CHN2: variants seen among roughly 807,000 people sequenced by gnomAD.
CHN2 encodes beta-chimaerin.
A neutral mutation model predicts 56.3 loss-of-function variants in CHN2; 35 were observed. The ratio of observed to expected loss-of-function variants is 0.62; its 90% confidence interval spans 0.47 to 0.82. CHN2 has a LOEUF of 0.82. Ranked by LOEUF, CHN2 falls within the 40% of genes least tolerant of loss-of-function variation. The probability of loss-of-function intolerance (pLI) is 0.00; values close to 1 mark genes in which losing one functional copy is unlikely to be tolerated. For missense variants in CHN2, 491 were observed against 580.5 expected (o/e 0.85, Z 1.58); for synonymous variants, 210 against 212.8 (o/e 0.99, Z 0.12).
intron 6 of CHN2, among the ~76,000 whole-genome samples, chr7:29,453,551 C>A (rs774708748): frequency 2.0e-5 from 3 of 152,230 alleles, no homozygotes; most frequent in East Asian, 1.9e-4. Flanking sequence ...CGCCCCCCCA[C>A]GCCATAGCAT....
Position 29,164,335 on chromosome 7 carries a change from T to C in CHN2, c.274+17375T>C, listed in dbSNP as rs1367811511. Among the ~76,000 whole-genome samples, 3 of 152,322 alleles carry C rather than the reference T, an allele frequency of 2.0e-5. No individual in the cohort carries two copies. The East Asian group carries it at 5.8e-4, about 29-fold the overall frequency. On this transcript the variant is annotated intron_variant, in intron 2 of 6. Transcript: ENST00000439384. The stretch of plus-strand genomic sequence containing the variant: ...TTTGATTTTTGCACAGTATTTTAAT[T>C]AGGTTGTTTCTCTTCTTATTAAGTT...
intron 1 of CHN2, among the ~76,000 whole-genome samples, chr7:29,350,007 A>G (rs958670325): frequency 6.6e-6 from 1 of 152,094 alleles, no homozygotes. Context: ...CTTAATGACA[A>G]TTTTTCACAC....
chr7:29,233,083 G>A (rs564122000), intron 1 of CHN2, among the ~76,000 whole-genome samples: 1 of 152,196 alleles, frequency 6.6e-6, no homozygotes, highest in Non-Finnish European at 1.5e-5. Flanking sequence ...GAACAAACTA[G>A]TACAGGTTCA....
At chr7:29,439,430 A>G (rs994489473) in intron 6 of CHN2, among the ~76,000 whole-genome samples, 8 of 152,114 alleles carry the variant, frequency 5.3e-5, no homozygotes, top group African/African-American at 1.9e-4. Context: ...ATGGCTTTGC[A>G]TGTCTGGTGT....
At chr7:29,315,723 G>C (rs1481536852) in intron 1 of CHN2, among the ~76,000 whole-genome samples, 5 of 151,942 alleles carry the variant, frequency 3.3e-5, no homozygotes, top group African/African-American at 1.2e-4. Context: ...TTTGTGCTGG[G>C]TACCGTTCTA....
intron 8 of CHN2, among the ~76,000 whole-genome samples, chr7:29,497,001 C>T (rs1024738784): frequency 7.9e-5 from 12 of 152,136 alleles, no homozygotes; most frequent in African/African-American, 2.7e-4. Context: ...TGATCTTTCC[C>T]ATTTTGGCTC....
intron 6 of CHN2, among the ~76,000 whole-genome samples, chr7:29,459,062 G>C (rs1784966494): frequency 6.6e-6 from 1 of 152,150 alleles, no homozygotes; most frequent in Non-Finnish European, 1.5e-5. Flanking sequence ...CCAGTTCCTG[G>C]TTCCCTTTTA....
intron 1 of CHN2, among the ~76,000 whole-genome samples, chr7:29,340,745 T>G (rs1325768459): frequency 6.6e-6 from 1 of 152,214 alleles, no homozygotes; most frequent in African/African-American, 2.4e-5. Flanking sequence ...GAGTGTGTTT[T>G]GGCATAAAGC....
chr7:29,373,485 A>C (rs1380796781), intron 3 of CHN2, among the ~76,000 whole-genome samples: 1 of 152,114 alleles, frequency 6.6e-6, no homozygotes, highest in African/African-American at 2.4e-5. Context: ...GGCAGTGGCC[A>C]ATCTTAAGTT....
chr7:29,499,848 G>A lies in CHN2; in HGVS notation c.740-19G>A, dbSNP rs1263080351. On this transcript the variant is annotated intron_variant, in intron 8 of 12. Transcript: ENST00000222792. The stretch of plus-strand genomic sequence containing the variant: ...GACAAAAGGGCTGGGCTAGGCTAAT[G>A]TGGCTTCTTTGTTTACAGACTGTGG... 1 of 1,546,688 alleles carries A rather than the reference G, an allele frequency of 6.5e-7. No homozygotes were observed. The highest frequency in any genetic ancestry group is 8.7e-7 in the Non-Finnish European group (1 of 1,146,748).
At chr7:29,500,789 T>C (rs2128578941) in intron 9 of CHN2, among the ~76,000 whole-genome samples, 1 of 152,308 alleles carries the variant, frequency 6.6e-6, no homozygotes, top group East Asian at 1.9e-4. Flanking sequence ...ATTCATCGTT[T>C]ATTTCGAAGA....
intron 6 of CHN2, among the ~76,000 whole-genome samples, chr7:29,415,990 G>C (rs1803699610): frequency 6.6e-6 from 1 of 152,202 alleles, no homozygotes; most frequent in Non-Finnish European, 1.5e-5. Context: ...TACTGGGTTT[G>C]GGGAGAAGAG....
At chr7:29,182,771 T>A (rs1057478126) in intron 2 of CHN2, among the ~76,000 whole-genome samples, 1 of 152,158 alleles carries the variant, frequency 6.6e-6, no homozygotes, top group East Asian at 1.9e-4. Flanking sequence ...CCAAGGAGAA[T>A]TGGAGGTAGG....
At position 29,478,117 on chromosome 7, in the gene CHN2, G is replaced by T. The variant is rs186717358; in HGVS notation, c.577-2162G>T. On this transcript the variant is annotated intron_variant, in intron 6 of 12. Transcript: ENST00000222792. ...CAGAGGACACAGTTGGCCTTCAGTG[G>T]GGAGTCTGGGGAAGTCCTTTTGGAA... is the stretch of plus-strand genomic sequence containing the variant. 1.1e-4 allele frequency among the ~76,000 whole-genome samples: 16 copies of T among 152,312 alleles called. No individual in the cohort carries two copies. The East Asian group carries it at 2.9e-3, about 28-fold the overall frequency.
chr7:29,320,906 C>T (rs1477105500), intron 1 of CHN2, among the ~76,000 whole-genome samples: 3 of 152,294 alleles, frequency 2.0e-5, no homozygotes, highest in Non-Finnish European at 4.4e-5. Context: ...GGTCCCATCT[C>T]GATTTATTCT....
At chr7:29,354,711 C>G (rs374333303) in intron 2 of CHN2, 48 bp downstream of exon 2, 14 of 1,549,504 alleles carry the variant, frequency 9.0e-6, no homozygotes, top group Non-Finnish European at 1.2e-5. Context: ...AGCAGGCCAG[C>G]CTTTCTGAAC....
intron 1 of CHN2, among the ~76,000 whole-genome samples, chr7:29,256,072 T>C (rs1291829807): frequency 6.6e-6 from 1 of 152,252 alleles, no homozygotes; most frequent in Non-Finnish European, 1.5e-5. Flanking sequence ...ACATGCCTTT[T>C]TTCTTTCTTT....
chr7:29,328,740 C>T (rs947784374), intron 1 of CHN2, among the ~76,000 whole-genome samples: 1 of 151,412 alleles, frequency 6.6e-6, no homozygotes, highest in African/African-American at 2.4e-5. Flanking sequence ...ATTTATAAAT[C>T]GAGTCTCAGG....
At chr7:29,496,483 A>G (rs901763193) in intron 8 of CHN2, among the ~76,000 whole-genome samples, 1 of 151,976 alleles carries the variant, frequency 6.6e-6, no homozygotes, top group Non-Finnish European at 1.5e-5. Flanking sequence ...AGCCTCACCA[A>G]CAGACCTTGG....
Sources: allele counts gnomAD v4.1 joint callset (sites outside exome capture counted in the v4.1 genomes callset), GRCh38; gene constraint gnomAD v4.1.1; transcripts MANE v1.5; gene names NCBI Gene and HGNC (gene_info 2026-07-23, HGNC 2026-07-21).